Variants in ST6GALNAC5 observed in about 807,000 individuals in gnomAD.
ST6GALNAC5 encodes the protein ST6 N-acetylgalactosaminide alpha-2,6-sialyltransferase 5.
A neutral mutation model predicts 33.6 loss-of-function variants in ST6GALNAC5; 27 were observed. That is an observed-to-expected ratio of 0.80 (90% CI 0.59 to 1.11). ST6GALNAC5 has a LOEUF of 1.11. ST6GALNAC5 is among the 50% of genes least tolerant of loss of function. ST6GALNAC5 has a pLI of 0.00. For synonymous variants in ST6GALNAC5, 194 were observed against 171.2 expected, an observed-to-expected ratio of 1.13 and a Z score of -1.04; for missense variants, 428 against 454.0, an observed-to-expected ratio of 0.94 and a Z score of 0.52.
chr1:76,968,460 G>A (rs908029726), intron 2 of ST6GALNAC5, among the ~76,000 whole-genome samples: 2 of 151,998 alleles, frequency 1.3e-5, no homozygotes, highest in Admixed American at 6.6e-5. Context: ...CCTTTATTTT[G>A]AGCCTATGTG....
chr1:76,894,482 G>T (rs1051108519), intron 2 of ST6GALNAC5, among the ~76,000 whole-genome samples: 2 of 152,094 alleles, frequency 1.3e-5, no homozygotes, highest in South Asian at 2.1e-4. Flanking sequence ...AGGCAGGGGG[G>T]GGATCTTTAA....
intron 2 of ST6GALNAC5, among the ~76,000 whole-genome samples, chr1:76,941,250 G>GT (rs1647328002): frequency 6.6e-6 from 1 of 152,108 alleles, no homozygotes; most frequent in Admixed American, 6.5e-5. Flanking sequence ...CATCAGGCAT[G>GT]TAACAGGCGG....
intron 2 of ST6GALNAC5, among the ~76,000 whole-genome samples, chr1:76,971,900 A>G (rs1352692554): frequency 2.0e-5 from 3 of 152,190 alleles, no homozygotes; most frequent in Non-Finnish European, 4.4e-5. Context: ...ACATCATACA[A>G]TGAAAAGTCC....
At position 76,958,696 on chromosome 1, in the gene ST6GALNAC5, C is replaced by A. The variant is rs1014239657; in HGVS notation, c.262-85508C>A. On this transcript the variant is annotated intron_variant, in intron 2 of 4. Coordinates refer to ENST00000477717, the MANE Select transcript of ST6GALNAC5 (RefSeq NM_030965.3). Reference sequence around the variant, plus strand: ...GTGCTGTCTCTTCTTCCTGAACAACCCTTAATTTCATGATCATGGTATCTC... The same window carrying A: ...GTGCTGTCTCTTCTTCCTGAACAACACTTAATTTCATGATCATGGTATCTC... Among the ~76,000 whole-genome samples the A allele has an allele frequency of 5.3e-5, 8 of 151,890 alleles. No individual in the cohort carries two copies. The East Asian group carries it at 1.5e-3, about 29-fold the overall frequency.
At chr1:77,016,825 A>G (rs1650869411) in intron 2 of ST6GALNAC5, among the ~76,000 whole-genome samples, 1 of 152,230 alleles carries the variant, frequency 6.6e-6, no homozygotes, top group South Asian at 2.1e-4. Context: ...CTGCACTGAA[A>G]TTAGAATCTT....
intron 2 of ST6GALNAC5, among the ~76,000 whole-genome samples, chr1:76,959,983 T>C (rs902998310): frequency 6.6e-6 from 1 of 152,094 alleles, no homozygotes; most frequent in African/African-American, 2.4e-5. Context: ...CGGGAGTGGG[T>C]AGAAGAAGTA....
intron 2 of ST6GALNAC5, among the ~76,000 whole-genome samples, chr1:77,027,456 G>A (rs533413380): frequency 1.7e-4 from 26 of 152,140 alleles, no homozygotes; most frequent in Non-Finnish European, 2.5e-4. Flanking sequence ...AAGGCAAGGC[G>A]ACTGCAATCT....
chr1:77,021,151 A>C (rs1474750724), intron 2 of ST6GALNAC5, among the ~76,000 whole-genome samples: 1 of 152,244 alleles, frequency 6.6e-6, no homozygotes, highest in East Asian at 1.9e-4. Context: ...GAATTTGAGG[A>C]GATGAAAAAC....
chr1:77,013,364 T>C (rs1650711213), intron 2 of ST6GALNAC5, among the ~76,000 whole-genome samples: 3 of 152,356 alleles, frequency 2.0e-5, no homozygotes, highest in Middle Eastern at 3.4e-3. Flanking sequence ...GTTAGAATTG[T>C]CAAGGAAAGG....
At chr1:76,884,751 C>T (rs1256655453) in intron 2 of ST6GALNAC5, among the ~76,000 whole-genome samples, 1 of 152,000 alleles carries the variant, frequency 6.6e-6, no homozygotes, top group Non-Finnish European at 1.5e-5. Flanking sequence ...TCAATGCCTA[C>T]GAAGGACTCA....
chr1:76,882,029 T>C (rs1217186998), intron 2 of ST6GALNAC5, among the ~76,000 whole-genome samples: 1 of 152,162 alleles, frequency 6.6e-6, no homozygotes, highest in African/African-American at 2.4e-5. Flanking sequence ...TCAACATTAT[T>C]TGGACAGAAT....
chr1:76,870,397 A>G (rs1653473247), intron 2 of ST6GALNAC5, among the ~76,000 whole-genome samples: 1 of 152,242 alleles, frequency 6.6e-6, no homozygotes, highest in Non-Finnish European at 1.5e-5. Context: ...GGCAGCATCA[A>G]AAGGTAAATT....
At chr1:76,887,005 G>T (rs528383167) in intron 2 of ST6GALNAC5, among the ~76,000 whole-genome samples, 2 of 152,040 alleles carry the variant, frequency 1.3e-5, no homozygotes, top group African/African-American at 2.4e-5. Flanking sequence ...ATAATGCTGC[G>T]ATGAACACTG....
At chr1:76,911,779 C>T (rs902871297) in intron 2 of ST6GALNAC5, among the ~76,000 whole-genome samples, 15 of 151,018 alleles carry the variant, frequency 9.9e-5, no homozygotes, top group Admixed American at 2.0e-4. Context: ...GCTGTGGGAT[C>T]GGTGGTTTGA....
At chr1:76,960,504 C>G (rs938324386) in intron 2 of ST6GALNAC5, among the ~76,000 whole-genome samples, 6 of 152,068 alleles carry the variant, frequency 3.9e-5, no homozygotes, top group African/African-American at 1.4e-4. Context: ...TTATCAGGAG[C>G]CAGGGTTTGA....
chr1:76,916,738 A>C (rs956865961), intron 2 of ST6GALNAC5, among the ~76,000 whole-genome samples: 4 of 152,058 alleles, frequency 2.6e-5, no homozygotes, highest in African/African-American at 9.7e-5. Context: ...ATAGAATATG[A>C]GATTTTTGTT....
intron 2 of ST6GALNAC5, among the ~76,000 whole-genome samples, chr1:76,897,707 C>A (rs1386294819): frequency 2.6e-5 from 4 of 152,104 alleles, no homozygotes; most frequent in African/African-American, 7.2e-5. Flanking sequence ...CAGGAATAGT[C>A]AGGGAAGCAG....
intron 4 of ST6GALNAC5, among the ~76,000 whole-genome samples, chr1:77,059,125 G>C (rs987601839): frequency 3.3e-5 from 5 of 152,138 alleles, no homozygotes; most frequent in African/African-American, 4.8e-5. Context: ...ATAATACTGA[G>C]AGTTCATATA....
intron 2 of ST6GALNAC5, among the ~76,000 whole-genome samples, chr1:76,883,581 C>G (rs1315182439): frequency 1.3e-5 from 2 of 152,198 alleles, no homozygotes; most frequent in African/African-American, 4.8e-5. Flanking sequence ...GCAACATCTC[C>G]TGACCTTTCC....
Sources: allele counts gnomAD v4.1 joint callset (sites outside exome capture counted in the v4.1 genomes callset), GRCh38; gene constraint gnomAD v4.1.1; transcripts MANE v1.5; gene names NCBI Gene and HGNC (gene_info 2026-07-23, HGNC 2026-07-21).